Variants in ERBB4 observed in about 807,000 individuals in gnomAD.
ERBB4 encodes receptor tyrosine-protein kinase erbB-4.
Under a neutral mutation model 158.0 loss-of-function variants are expected in ERBB4, and 42 were observed. That is an observed-to-expected ratio of 0.27 (90% CI 0.21 to 0.34). The LOEUF (loss-of-function observed/expected upper bound fraction) is 0.34. ERBB4 is among the 10% of genes least tolerant of loss of function. ERBB4 has a pLI of 1.00. For missense variants in ERBB4, 1,333 were observed against 1,624.1 expected, an observed-to-expected ratio of 0.82 and a Z score of 3.08; for synonymous variants, 583 against 558.7, an observed-to-expected ratio of 1.04 and a Z score of -0.61.
chr2:211,876,426 G>A (rs1404020107), intron 3 of ERBB4, among the ~76,000 whole-genome samples: 5 of 152,066 alleles, frequency 3.3e-5, no homozygotes, highest in Non-Finnish European at 2.9e-5. Context: ...TCATACTGGA[G>A]CCTTGTTTAT....
In ERBB4 at chr2:211,581,452, C is replaced by T. The variant is rs1471009973; in HGVS notation, c.2302-19364G>A. 3.3e-5 allele frequency among the ~76,000 whole-genome samples: 5 copies of T among 152,066 alleles called. No homozygotes were observed. In the East Asian group the frequency reaches 7.7e-4, roughly 23 times the overall value. On this transcript the variant is annotated intron_variant, in intron 19 of 27. Coordinates refer to ENST00000342788, the MANE Select transcript of ERBB4 (RefSeq NM_005235.3). ...AAAATATAGGAAGTACATCTACCTGCCTGCTCACCTCTTCAAGCCTATGCT... is the reference window on the plus strand; with the variant it reads ...AAAATATAGGAAGTACATCTACCTGTCTGCTCACCTCTTCAAGCCTATGCT...
intron 3 of ERBB4, among the ~76,000 whole-genome samples, chr2:211,827,735 A>G (rs2077134677): frequency 6.6e-6 from 1 of 152,042 alleles, no homozygotes; most frequent in Non-Finnish European, 1.5e-5. Flanking sequence ...CTTTATATGT[A>G]TATATTATTA....
At chr2:212,474,822 CTTT>C (rs539959668) in intron 1 of ERBB4, among the ~76,000 whole-genome samples, 1 of 94,402 alleles carries the variant, frequency 1.1e-5, no homozygotes, top group Non-Finnish European at 1.9e-5. Flanking sequence ...CCCGGCCATT[CTTT>C]TTTTTTTTTT....
chr2:212,055,826 G>T (rs1371794883), intron 2 of ERBB4, among the ~76,000 whole-genome samples: 2 of 152,160 alleles, frequency 1.3e-5, no homozygotes, highest in Non-Finnish European at 2.9e-5. Context: ...CAAAGATGGG[G>T]AAAAAACAGA....
At chr2:211,921,949 C>T (rs188390319) in intron 3 of ERBB4, among the ~76,000 whole-genome samples, 9 of 152,144 alleles carry the variant, frequency 5.9e-5, no homozygotes, top group Admixed American at 3.3e-4. Context: ...ACTCTCAGCA[C>T]GTACCTGTTA....
intron 3 of ERBB4, among the ~76,000 whole-genome samples, chr2:211,898,697 A>G (rs920182228): frequency 6.6e-6 from 1 of 152,182 alleles, no homozygotes; most frequent in African/African-American, 2.4e-5. Flanking sequence ...CATTTTCAGG[A>G]TCATTAAATT....
chr2:211,634,506 T>C (rs2070281760), intron 16 of ERBB4, among the ~76,000 whole-genome samples: 1 of 152,142 alleles, frequency 6.6e-6, no homozygotes, highest in Non-Finnish European at 1.5e-5. Context: ...ATCTTTTTCT[T>C]GTTTGTTTTT....
At chr2:212,168,075 A>G (rs1263497812) in intron 1 of ERBB4, among the ~76,000 whole-genome samples, 1 of 152,078 alleles carries the variant, frequency 6.6e-6, no homozygotes, top group Admixed American at 6.6e-5. Context: ...AATTAAAAAA[A>G]AAAAAAAACT....
intron 20 of ERBB4, among the ~76,000 whole-genome samples, chr2:211,482,869 C>A (rs2065119969): frequency 6.6e-6 from 1 of 152,128 alleles, no homozygotes; most frequent in Admixed American, 6.5e-5. Flanking sequence ...CGCACTATTG[C>A]ACTCCAGCTT....
At position 212,185,757 on chromosome 2, in the gene ERBB4, G is replaced by T. The variant is rs28459219; in HGVS notation, c.83-60854C>A. 6.2e-3 allele frequency among the ~76,000 whole-genome samples: 945 copies of T among 152,180 alleles called. 7 individuals are homozygous for T. The highest frequency in any genetic ancestry group is 0.021 in the African/African-American group (876 of 41,538). The stretch of plus-strand genomic sequence containing the variant: ...ACATAATAGAATCTAAAAGTAAAAT[G>T]TCTCAGTTGTAGTGTAGGTATGGGG... On this transcript the variant is annotated intron_variant, in intron 1 of 27. Coordinates refer to ENST00000342788, the MANE Select transcript of ERBB4 (RefSeq NM_005235.3).
At chr2:211,526,597 T>A (rs76203877) in intron 20 of ERBB4, among the ~76,000 whole-genome samples, 18,277 of 151,788 alleles carry the variant, frequency 0.12, 1,864 homozygotes, top group African/African-American at 0.28. Flanking sequence ...AAACTAAATA[T>A]CCCACCAAGG....
intron 2 of ERBB4, among the ~76,000 whole-genome samples, chr2:212,031,914 C>G (rs1012759090): frequency 6.6e-6 from 1 of 151,980 alleles, no homozygotes; most frequent in Non-Finnish European, 1.5e-5. Context: ...AACTATTTCC[C>G]GCTGCACAAT....
intron 2 of ERBB4, among the ~76,000 whole-genome samples, chr2:212,045,522 T>A (rs567961480): frequency 3.3e-5 from 5 of 152,148 alleles, no homozygotes; most frequent in Admixed American, 6.6e-5. Context: ...TATATAGTAG[T>A]ATAACCCTCA....
intron 3 of ERBB4, among the ~76,000 whole-genome samples, chr2:211,824,024 C>A (rs1362279362): frequency 1.3e-5 from 2 of 151,988 alleles, no homozygotes; most frequent in Non-Finnish European, 2.9e-5. Context: ...GTGATTTAGG[C>A]TCCCCGACTC....
chr2:211,740,767 CA>C (rs2074766132), intron 5 of ERBB4, among the ~76,000 whole-genome samples: 2 of 151,810 alleles, frequency 1.3e-5, no homozygotes, highest in Admixed American at 1.3e-4. Context: ...CCCGCCACCA[CA>C]CCCGACTAAT....
chr2:212,031,761 T>C (rs1323908337), intron 2 of ERBB4, among the ~76,000 whole-genome samples: 2 of 152,132 alleles, frequency 1.3e-5, no homozygotes, highest in East Asian at 3.8e-4. Flanking sequence ...TACTGTTCTT[T>C]AGAAAAATGA....
At chr2:211,917,771 T>C (rs2079740293) in intron 3 of ERBB4, among the ~76,000 whole-genome samples, 1 of 152,182 alleles carries the variant, frequency 6.6e-6, no homozygotes, top group African/African-American at 2.4e-5. Context: ...AGATTCTGGA[T>C]GACATTTGAT....
chr2:212,125,889 T>C (rs1450211004), intron 1 of ERBB4, among the ~76,000 whole-genome samples: 1 of 152,218 alleles, frequency 6.6e-6, no homozygotes, highest in African/African-American at 2.4e-5. Flanking sequence ...TAAACGTGCA[T>C]GTGTCATTGT....
At chr2:212,048,759 C>G (rs750042963) in intron 2 of ERBB4, among the ~76,000 whole-genome samples, 4 of 152,130 alleles carry the variant, frequency 2.6e-5, no homozygotes, top group Non-Finnish European at 4.4e-5. Flanking sequence ...ACAGAGCTCC[C>G]TGAGAAGTAT....
Sources: allele counts gnomAD v4.1 joint callset (sites outside exome capture counted in the v4.1 genomes callset), GRCh38; gene constraint gnomAD v4.1.1; transcripts MANE v1.5; gene names NCBI Gene and HGNC (gene_info 2026-07-23, HGNC 2026-07-21).